The following PTPRN2 variants were observed in gnomAD, a reference collection of about 807,000 sequenced individuals.
The protein encoded by PTPRN2 is protein tyrosine phosphatase receptor type N2.
PTPRN2 carries 74 observed loss-of-function variants against 118.8 expected under a neutral mutation model. The observed-to-expected ratio is 0.62, with a 90% confidence interval of 0.52 to 0.76. The LOEUF (loss-of-function observed/expected upper bound fraction) is 0.76. Ranked by LOEUF, PTPRN2 falls within the 30% of genes least tolerant of loss-of-function variation. The pLI, the probability that PTPRN2 is intolerant of heterozygous loss-of-function variation, is 0.00. For synonymous variants in PTPRN2, 641 were observed against 608.0 expected, an observed-to-expected ratio of 1.05 and a Z score of -0.80; for missense variants, 1,481 against 1,394.4, an observed-to-expected ratio of 1.06 and a Z score of -0.99.
intron 5 of PTPRN2, among the ~76,000 whole-genome samples, chr7:158,167,842 T>C (rs925426658): frequency 1.3e-5 from 2 of 152,260 alleles, no homozygotes; most frequent in African/African-American, 4.8e-5. Flanking sequence ...CAGGACATCC[T>C]TCCTCTTTCA....
chr7:158,110,826 TACTCC>T lies in PTPRN2; in HGVS notation c.1641_1643+2del. The stretch of plus-strand genomic sequence containing the variant: ...AACAGAAACCCCAGGGCCCCGTACT[TACTCC>T]ACGTCAGCGAACGCACTGCTGGGCA... On this transcript the variant is annotated splice_donor_variant and coding_sequence_variant, in exon 10 of 23. Coordinates refer to ENST00000389418, the MANE Select transcript of PTPRN2 (RefSeq NM_002847.5). LOFTEE classifies it high-confidence loss of function. The T allele has an allele frequency of 6.3e-7, 1 of 1,580,386 alleles. No individual in the cohort carries two copies. The highest frequency in any genetic ancestry group is 8.6e-7 in the Non-Finnish European group (1 of 1,162,388).
At chr7:157,739,430 A>T (rs1800494032) in intron 12 of PTPRN2, 1 of 152,224 alleles carries the variant, frequency 6.6e-6, no homozygotes, top group African/African-American at 2.4e-5. Context: ...GCCCAGGGGC[A>T]CCTTCGTTGT....
intron 6 of PTPRN2, among the ~76,000 whole-genome samples, chr7:158,145,913 G>T (rs890983424): frequency 2.6e-5 from 4 of 152,202 alleles, no homozygotes; most frequent in Non-Finnish European, 5.9e-5. Flanking sequence ...TTTGGGGCAA[G>T]CTCGCTCATT....
At chr7:158,106,334 T>C (rs1815679692) in intron 10 of PTPRN2, among the ~76,000 whole-genome samples, 1 of 152,096 alleles carries the variant, frequency 6.6e-6, no homozygotes, top group African/African-American at 2.4e-5. Context: ...CTGAGCTTCA[T>C]CTCAGCTCAT....
chr7:158,454,813 A>G (rs924169080), intron 2 of PTPRN2, among the ~76,000 whole-genome samples: 1 of 152,086 alleles, frequency 6.6e-6, no homozygotes, highest in African/African-American at 2.4e-5. Flanking sequence ...TCTTTTGGCC[A>G]CTCTGTTGAC....
At chr7:158,257,228 C>T (rs1204346134) in intron 3 of PTPRN2, among the ~76,000 whole-genome samples, 1 of 152,168 alleles carries the variant, frequency 6.6e-6, no homozygotes, top group Non-Finnish European at 1.5e-5. Flanking sequence ...CACACGGCTG[C>T]TCAGGACGCA....
chr7:158,570,702 T>G lies in PTPRN2; in HGVS notation c.112+16856A>C, dbSNP rs567500509. Among the ~76,000 whole-genome samples the G allele has an allele frequency of 1.2e-4, 18 of 152,158 alleles. No individual in the cohort carries two copies. The East Asian group carries it at 3.1e-3, about 26-fold the overall frequency. The stretch of plus-strand genomic sequence containing the variant: ...CGGCTCAGCACGCGGCTGGGTACGG[T>G]TTGCAACGCCGAGAGCCCGCGGAGA... On this transcript the variant is annotated intron_variant, in intron 1 of 22. Coordinates refer to ENST00000389418, the MANE Select transcript of PTPRN2 (RefSeq NM_002847.5). This position sits in a 1 kb window ranked among gnomAD's most constrained non-coding sequence, Gnocchi z 4.5.
At position 157,784,736 on chromosome 7, in the gene PTPRN2, C is replaced by A. The variant is rs537442919; in HGVS notation, c.1789-101799G>T. ...ATCCCGTGGCAGTGCAAACCGAGGG[C>A]CCCCTGGGTCTCGACATTTCACCGC... On this transcript the variant is annotated intron_variant, in intron 12 of 22. Transcript: ENST00000389418. This position sits in a 1 kb window ranked among gnomAD's most constrained non-coding sequence, Gnocchi z 4.6. Among the ~76,000 whole-genome samples the A allele has an allele frequency of 6.6e-6, 1 of 152,072 alleles. No individual in the cohort carries two copies. Among genetic ancestry groups the A allele is most frequent in the African/African-American group, 2.4e-5 (1 of 41,506 alleles).
chr7:157,635,102 G>C (rs1236891440), intron 14 of PTPRN2, among the ~76,000 whole-genome samples: 1 of 152,244 alleles, frequency 6.6e-6, no homozygotes, highest in Non-Finnish European at 1.5e-5. Context: ...CACGTATATT[G>C]AGTCAGTGCC....
chr7:158,169,835 G>A (rs1485939751), intron 5 of PTPRN2, among the ~76,000 whole-genome samples: 4 of 151,608 alleles, frequency 2.6e-5, no homozygotes, highest in African/African-American at 9.7e-5. Flanking sequence ...GGGATTACAG[G>A]TGCCCTTCAC....
At chr7:157,906,819 C>A (rs1797796933) in intron 11 of PTPRN2, among the ~76,000 whole-genome samples, 1 of 152,096 alleles carries the variant, frequency 6.6e-6, no homozygotes, top group African/African-American at 2.4e-5. Context: ...TAGGAAGGAC[C>A]CACGTGTCCT....
At chr7:157,952,942 G>C (rs1486906930) in intron 11 of PTPRN2, among the ~76,000 whole-genome samples, 1 of 152,080 alleles carries the variant, frequency 6.6e-6, no homozygotes, top group Non-Finnish European at 1.5e-5. Flanking sequence ...CAGCACGGCA[G>C]GTGGGAGAAA....
intron 12 of PTPRN2, among the ~76,000 whole-genome samples, chr7:157,826,244 G>A (rs1257397996): frequency 3.3e-4 from 43 of 129,144 alleles, no homozygotes; most frequent in African/African-American, 4.8e-4. Context: ...ATTTCCACGC[G>A]TGCTGTGCAA....
chr7:157,992,444 G>A (rs1049321873), intron 11 of PTPRN2, among the ~76,000 whole-genome samples: 11 of 152,186 alleles, frequency 7.2e-5, no homozygotes, highest in Admixed American at 5.2e-4. Flanking sequence ...CCGGCCACAC[G>A]GTCTGTACTG....
At chr7:157,746,672 C>A (rs1800964940) in intron 12 of PTPRN2, among the ~76,000 whole-genome samples, 1 of 152,228 alleles carries the variant, frequency 6.6e-6, no homozygotes, top group South Asian at 2.1e-4. Flanking sequence ...CTTCACGGGG[C>A]CCTGAGTATG....
intron 12 of PTPRN2, among the ~76,000 whole-genome samples, chr7:157,760,174 T>TCC (rs1175392632): frequency 1.3e-5 from 2 of 151,896 alleles, no homozygotes; most frequent in East Asian, 3.9e-4. Context: ...CTAACAAACA[T>TCC]CCCCCACGTG....
At chr7:157,606,050 C>A (rs995070695) in intron 15 of PTPRN2, among the ~76,000 whole-genome samples, 1 of 152,242 alleles carries the variant, frequency 6.6e-6, no homozygotes, top group South Asian at 2.1e-4. Context: ...CTGCCCTCAG[C>A]CCTCCTTCGG....
rs150850599 is a variant in PTPRN2, at chr7:158,417,488, TCTAG to T, written c.163+72243_163+72246del. On this transcript the variant is annotated intron_variant, in intron 2 of 22. Transcript: ENST00000389418. ...GTCATGGTGTACTACATCGAGATGCTCTAGCTCTCAGTGTCCCACTGTGTTAAGT... is the reference window on the plus strand; with the variant it reads ...GTCATGGTGTACTACATCGAGATGCTCTCTCAGTGTCCCACTGTGTTAAGT... Among the ~76,000 whole-genome samples the T allele has an allele frequency of 5.6e-4, 84 of 150,208 alleles. 2 individuals carry two copies. In the East Asian group the frequency reaches 0.016, roughly 29 times the overall value.
chr7:157,679,902 C>T (rs1362694861), intron 13 of PTPRN2, among the ~76,000 whole-genome samples: 7 of 152,080 alleles, frequency 4.6e-5, no homozygotes, highest in South Asian at 2.1e-4. Context: ...CCAGGGAGGA[C>T]GCAGCTCTAC....
Sources: allele counts gnomAD v4.1 joint callset (sites outside exome capture counted in the v4.1 genomes callset), GRCh38; gene constraint gnomAD v4.1.1; non-coding constraint Gnocchi (gnomAD v3.1); transcripts MANE v1.5; gene names NCBI Gene and HGNC (gene_info 2026-07-23, HGNC 2026-07-21).